CDC27: variants seen among roughly 807,000 people sequenced by gnomAD.
CDC27 encodes cell division cycle protein 27 homolog.
A neutral mutation model predicts 109.7 loss-of-function variants in CDC27; 27 were observed. That is an observed-to-expected ratio of 0.25 (90% CI 0.18 to 0.34). The LOEUF is 0.34. CDC27 is among the 10% of genes least tolerant of loss of function. The probability of loss-of-function intolerance (pLI) is 1.00; values close to 1 mark genes in which losing one functional copy is unlikely to be tolerated. For synonymous variants in CDC27, 266 were observed against 333.9 expected (o/e 0.80, Z 2.22); for missense variants, 579 against 960.2 (o/e 0.60, Z 5.25).
intron 13 of CDC27, among the ~76,000 whole-genome samples, chr17:47,137,784 C>T (rs1340657472): frequency 2.0e-5 from 3 of 150,456 alleles, no homozygotes; most frequent in African/African-American, 7.3e-5. Flanking sequence ...AGGCAAGTCA[C>T]CTCTGAACCT....
At chr17:47,144,077 T>C in intron 9 of CDC27, 95 bp from the exon 10 acceptor site, 1 of 379,322 alleles carries the variant, frequency 2.6e-6, no homozygotes, top group Non-Finnish European at 4.5e-6. Flanking sequence ...AAATATACAT[T>C]AATTATATAA....
intron 9 of CDC27, among the ~76,000 whole-genome samples, chr17:47,147,155 C>T (rs1015762459): frequency 6.6e-6 from 1 of 152,066 alleles, no homozygotes; most frequent in Non-Finnish European, 1.5e-5. Context: ...AATCCCAGCA[C>T]TTTGGGAGGC....
chr17:47,139,260 A>G (rs979406103), intron 12 of CDC27, among the ~76,000 whole-genome samples: 1 of 151,898 alleles, frequency 6.6e-6, no homozygotes, highest in Non-Finnish European at 1.5e-5. Flanking sequence ...GCATTACAGA[A>G]TAACTCTTTT....
At chr17:47,151,964 T>C (rs757269620) in intron 8 of CDC27, 46 bp from the exon 9 acceptor site, 2 of 1,531,338 alleles carry the variant, frequency 1.3e-6, no homozygotes. Flanking sequence ...TGGGCTGCAC[T>C]GTAAATGATA....
Position 47,119,689 on chromosome 17 carries a change from T to C in CDC27, c.*1246A>G, listed in dbSNP as rs912098703. The C allele has an allele frequency of 3.9e-5, 6 of 152,230 alleles. No individual in the cohort carries two copies. The highest frequency in any genetic ancestry group is 1.2e-4 in the African/African-American group (5 of 41,462). 9.4% of individuals were successfully genotyped at this position (152,230 alleles called of 1,614,324 possible). A position where few individuals can be genotyped will look rare whatever the true frequency, so the allele number is the denominator to read the frequency against. ...ACTGTGGAATTCCAATAATTATCAT[T>C]TTATATGCATAATTGAATTCTTAAA... On this transcript the variant is annotated 3_prime_UTR_variant, in exon 19 of 19. Transcript: ENST00000066544.
chr17:47,138,350 C>T (rs1290874648), intron 13 of CDC27, among the ~76,000 whole-genome samples: 2 of 152,132 alleles, frequency 1.3e-5, no homozygotes, highest in African/African-American at 4.8e-5. Context: ...CAATGAAATA[C>T]AATCTTACAA....
chr17:47,134,179 TG>T (rs2062492789), intron 14 of CDC27, among the ~76,000 whole-genome samples: 2 of 151,892 alleles, frequency 1.3e-5, no homozygotes, highest in African/African-American at 4.8e-5. Flanking sequence ...ATTACAGGCA[TG>T]AGCCACCATG....
At chr17:47,123,390 CT>C (rs1163437172) in intron 17 of CDC27, among the ~76,000 whole-genome samples, 1 of 144,080 alleles carries the variant, frequency 6.9e-6, no homozygotes, top group Non-Finnish European at 1.5e-5. Context: ...TGTTCTTCTA[CT>C]TTTTTTTCTA....
At chr17:47,157,840 G>C (rs914170578) in intron 5 of CDC27, among the ~76,000 whole-genome samples, 1 of 152,112 alleles carries the variant, frequency 6.6e-6, no homozygotes, top group African/African-American at 2.4e-5. Flanking sequence ...TTCTCTCCCT[G>C]TACTGTTCAG....
At chr17:47,177,638 C>T (rs1180138591) in intron 2 of CDC27, among the ~76,000 whole-genome samples, 1 of 152,142 alleles carries the variant, frequency 6.6e-6, no homozygotes, top group Non-Finnish European at 1.5e-5. Context: ...AAACAGTAGA[C>T]CTTAAGCAAT....
At chr17:47,153,310 T>C (rs181578061) in intron 8 of CDC27, among the ~76,000 whole-genome samples, 10 of 152,352 alleles carry the variant, frequency 6.6e-5, no homozygotes, top group Admixed American at 4.6e-4. Flanking sequence ...CTGCCCACTG[T>C]CTTAACTTGC....
At chr17:47,129,360 C>A (rs1294356478) in intron 16 of CDC27, 33 bp downstream of exon 16, 3 of 1,522,002 alleles carry the variant, frequency 2.0e-6, no homozygotes, top group Non-Finnish European at 2.7e-6. Flanking sequence ...TTAAGCAATA[C>A]AACACTGAAG....
intron 4 of CDC27, among the ~76,000 whole-genome samples, chr17:47,165,587 A>G (rs2063619353): frequency 6.6e-6 from 1 of 152,076 alleles, no homozygotes; most frequent in Non-Finnish European, 1.5e-5. Flanking sequence ...TGTTTATGGG[A>G]TTTGCAAATA....
chr17:47,177,902 G>C (rs941547786), intron 2 of CDC27, among the ~76,000 whole-genome samples: 20 of 152,158 alleles, frequency 1.3e-4, no homozygotes, highest in African/African-American at 4.6e-4. Context: ...AGCTATCATA[G>C]TAGTTGCATT....
rs770679862 is a variant in CDC27, at chr17:47,158,292, C to T, written c.389G>A (p.Arg130Gln). ...GTAACATTCTGATCCTTTGGCAAGC[C>T]GATCTGTCTTGCTGTGGAGAGAAAC... Reference protein sequence around the residue: ...LLGHVYCKTDRLAKGSECYQK... With the variant: ...LLGHVYCKTDQLAKGSECYQK... Residue 130 changes from arginine to glutamine, a missense_variant, in exon 5 of 19, where the codon CGG becomes CAG. Physicochemically the swap from Arg to Gln is conservative, Grantham distance 43 (BLOSUM62 1). This residue lies in a region of CDC27 where 52 missense variants were observed against 63.4 expected (regional missense o/e 0.82). Coordinates refer to ENST00000066544, the MANE Select transcript of CDC27 (RefSeq NM_001256.6). The T allele has an allele frequency of 6.4e-6, 10 of 1,554,506 alleles. No individual in the cohort carries two copies. Among genetic ancestry groups the T allele is most frequent in the Non-Finnish European group, 7.8e-6 (9 of 1,148,800 alleles).
intron 11 of CDC27, 45 bp from the exon 12 acceptor site, chr17:47,142,070 C>A: frequency 7.2e-7 from 1 of 1,396,304 alleles, no homozygotes; most frequent in Admixed American, 2.4e-5. Flanking sequence ...ACGCAATAAA[C>A]TAGTCTGCTT....
chr17:47,163,203 AT>A (rs2148939959), intron 4 of CDC27, among the ~76,000 whole-genome samples: 2 of 148,892 alleles, frequency 1.3e-5, no homozygotes, highest in African/African-American at 4.9e-5. Flanking sequence ...TAGAAGTCTC[AT>A]GTGCTGTAAT....
intron 16 of CDC27, among the ~76,000 whole-genome samples, chr17:47,128,686 C>T (rs1598399486): frequency 6.6e-6 from 1 of 152,114 alleles, no homozygotes; most frequent in East Asian, 1.9e-4. Flanking sequence ...CCACTATATT[C>T]CTGGTGCCTG....
chr17:47,145,678 G>A (rs552656513), intron 9 of CDC27, among the ~76,000 whole-genome samples: 84 of 152,164 alleles, frequency 5.5e-4, no homozygotes, highest in African/African-American at 2.0e-3. Context: ...CAAGGCAGGC[G>A]GATCACGAGG....
Sources: gnomAD v4.1 joint callset for allele counts (sites outside exome capture counted in the v4.1 genomes callset) on GRCh38, gnomAD v4.1.1 for gene constraint, gnomAD v4.1.1 regional missense constraint, MANE v1.5 for transcripts, NCBI Gene and HGNC (gene_info 2026-07-23, HGNC 2026-07-21) for gene names.